The following SLC1A2 variants were observed in gnomAD, a reference collection of about 807,000 sequenced individuals.
The protein encoded by SLC1A2 is excitatory amino acid transporter 2.
Under a neutral mutation model 48.8 loss-of-function variants are expected in SLC1A2, and 15 were observed. That is an observed-to-expected ratio of 0.31 (90% CI 0.21 to 0.47). The LOEUF is 0.47. Among genes scored for constraint, SLC1A2 ranks in the 20% least tolerant of loss-of-function variants. The pLI is 0.99. For missense variants in SLC1A2, 502 were observed against 730.5 expected, an observed-to-expected ratio of 0.69 and a Z score of 3.61; for synonymous variants, 279 against 272.6, an observed-to-expected ratio of 1.02 and a Z score of -0.23.
intron 1 of SLC1A2, among the ~76,000 whole-genome samples, chr11:35,395,287 T>C (rs978818724): frequency 2.0e-5 from 3 of 151,908 alleles, no homozygotes; most frequent in African/African-American, 7.3e-5. Context: ...TCTTAACTTC[T>C]GAGAATAGCT....
intron 3 of SLC1A2, among the ~76,000 whole-genome samples, chr11:35,313,687 G>A (rs1426323297): frequency 6.6e-6 from 1 of 152,172 alleles, no homozygotes; most frequent in African/African-American, 2.4e-5. Context: ...GCCAACGTAT[G>A]ACCTGTTAAC....
At chr11:35,416,492 A>G (rs867427123) in intron 1 of SLC1A2, among the ~76,000 whole-genome samples, 13 of 152,230 alleles carry the variant, frequency 8.5e-5, no homozygotes, top group African/African-American at 3.1e-4. Context: ...TGTTAAACAA[A>G]CATAAGATGT....
intron 10 of SLC1A2, among the ~76,000 whole-genome samples, chr11:35,263,719 C>T (rs1381006292): frequency 6.6e-6 from 1 of 152,182 alleles, no homozygotes; most frequent in Non-Finnish European, 1.5e-5. Context: ...AATTTTTCCT[C>T]ATATGGCAAT....
At chr11:35,383,437 A>G (rs1854491784) in intron 1 of SLC1A2, among the ~76,000 whole-genome samples, 1 of 152,174 alleles carries the variant, frequency 6.6e-6, no homozygotes, top group Admixed American at 6.5e-5. Flanking sequence ...GGATTATCAG[A>G]GAAAAGGAGA....
At chr11:35,313,907 A>T (rs1851786572) in intron 3 of SLC1A2, among the ~76,000 whole-genome samples, 1 of 151,976 alleles carries the variant, frequency 6.6e-6, no homozygotes, top group Admixed American at 6.6e-5. Flanking sequence ...CCAGAGCCTC[A>T]CTCACTTCTT....
chr11:35,407,926 T>C (rs1185307474), intron 1 of SLC1A2, among the ~76,000 whole-genome samples: 1 of 152,150 alleles, frequency 6.6e-6, no homozygotes. Context: ...GTAATACAAA[T>C]AGCACTCCAT....
At chr11:35,341,449 G>A (rs1016146736) in intron 1 of SLC1A2, among the ~76,000 whole-genome samples, 4 of 152,108 alleles carry the variant, frequency 2.6e-5, no homozygotes, top group African/African-American at 9.7e-5. Context: ...ACCTAATAAG[G>A]TGTGTGATGT....
In SLC1A2 at chr11:35,260,078, T is replaced by G. The variant is rs774063192; in HGVS notation, c.*816A>C. 2 of 152,186 alleles carry G rather than the reference T, an allele frequency of 1.3e-5. No individual in the cohort carries two copies. Among genetic ancestry groups the G allele is most frequent in the Admixed American group, 6.5e-5 (1 of 15,280 alleles). 9.4% of individuals were successfully genotyped at this position (152,186 alleles called of 1,614,324 possible). ...AAGGCAAACCGAACATAAATAAATT[T>G]GAATATTTAACTCTGGTTAAACTTT... On this transcript the variant is annotated 3_prime_UTR_variant, in exon 11 of 11. Coordinates refer to ENST00000278379, the MANE Select transcript of SLC1A2 (RefSeq NM_004171.4).
intron 7 of SLC1A2, among the ~76,000 whole-genome samples, chr11:35,290,418 C>G (rs935183777): frequency 1.3e-5 from 2 of 152,072 alleles, no homozygotes; most frequent in African/African-American, 4.8e-5. Context: ...TTTTATGATA[C>G]GTTGACCAGT....
At chr11:35,352,152 C>T (rs1372352714) in intron 1 of SLC1A2, 1 of 149,122 alleles carries the variant, frequency 6.7e-6, no homozygotes, top group Non-Finnish European at 1.5e-5. Flanking sequence ...GGAAAAAAGT[C>T]CATATGACTC....
chr11:35,373,012 G>T (rs1854107630), intron 1 of SLC1A2, among the ~76,000 whole-genome samples: 1 of 152,212 alleles, frequency 6.6e-6, no homozygotes, highest in South Asian at 2.1e-4. Context: ...CCTGGCTGGG[G>T]CATCTGGCTT....
intron 1 of SLC1A2, among the ~76,000 whole-genome samples, chr11:35,372,174 A>G (rs754806514): frequency 2.6e-5 from 4 of 152,204 alleles, no homozygotes; most frequent in Non-Finnish European, 4.4e-5. Context: ...ATGCCTGGTA[A>G]AGAGAAACTA....
At chr11:35,405,806 T>A (rs1183996703) in intron 1 of SLC1A2, among the ~76,000 whole-genome samples, 1 of 152,198 alleles carries the variant, frequency 6.6e-6, no homozygotes, top group Non-Finnish European at 1.5e-5. Context: ...GGGTAATTAT[T>A]GACTGGTAGG....
chr11:35,317,191 G>T, intron 2 of SLC1A2, 186 bp downstream of exon 2: 1 of 566,646 alleles, frequency 1.8e-6, no homozygotes. Flanking sequence ...GAATCCAAAG[G>T]AGAATGAATG....
chr11:35,326,353 G>C (rs573439738), intron 1 of SLC1A2, among the ~76,000 whole-genome samples: 1 of 152,224 alleles, frequency 6.6e-6, no homozygotes. Flanking sequence ...GGTTAAAAGA[G>C]CTCAGGATTT....
rs1048691843 is a variant in SLC1A2 at position 35,309,699 on chromosome 11, C to A, written c.561+2499G>T. Among the ~76,000 whole-genome samples, 6 of 149,038 alleles carry A rather than the reference C, an allele frequency of 4.0e-5. No individual in the cohort carries two copies. In the East Asian group the frequency reaches 8.0e-4, roughly 20 times the overall value. ...ATTTTAAATGACTTCTAGCTGTACT[C>A]ATGGACACAGAAGATGTCTCTCACG... On this transcript the variant is annotated intron_variant, in intron 4 of 10. Coordinates refer to ENST00000278379, the MANE Select transcript of SLC1A2 (RefSeq NM_004171.4).
chr11:35,357,404 G>T (rs1022925779), intron 1 of SLC1A2, among the ~76,000 whole-genome samples: 1 of 152,158 alleles, frequency 6.6e-6, no homozygotes. Context: ...GACAACATGA[G>T]AGCAGTATTA....
At chr11:35,300,381 C>G (rs1043296585) in intron 6 of SLC1A2, among the ~76,000 whole-genome samples, 1 of 152,194 alleles carries the variant, frequency 6.6e-6, no homozygotes, top group Non-Finnish European at 1.5e-5. Context: ...TATGTTGAAA[C>G]TTAATTCCCA....
At chr11:35,327,906 A>G (rs1852299168) in intron 1 of SLC1A2, among the ~76,000 whole-genome samples, 1 of 152,108 alleles carries the variant, frequency 6.6e-6, no homozygotes, top group Non-Finnish European at 1.5e-5. Flanking sequence ...CCAGTGTTTT[A>G]TGGGTATACT....
Sources: gnomAD v4.1 joint callset for allele counts (sites outside exome capture counted in the v4.1 genomes callset) on GRCh38, gnomAD v4.1.1 for gene constraint, MANE v1.5 for transcripts, NCBI Gene and HGNC (gene_info 2026-07-23, HGNC 2026-07-21) for gene names.